Variants in ZNF561 observed in about 807,000 individuals in gnomAD.
ZNF561 encodes zinc finger protein 561.
ZNF561 carries 16 observed loss-of-function variants against 16.7 expected under a neutral mutation model. The observed-to-expected ratio is 0.96, with a 90% CI of 0.65 to 1.45. The LOEUF is 1.45. Among genes scored for constraint, ZNF561 ranks in the 40% most tolerant of loss-of-function variants. ZNF561 has a pLI of 0.00. For synonymous variants in ZNF561, 190 were observed against 192.1 expected (o/e 0.99, Z 0.09); for missense variants, 580 against 578.0 (o/e 1.00, Z -0.04).
rs1323682924 is a variant in ZNF561, at chr19:9,609,447, G to A, written c.*753C>T. 1 of 152,174 alleles carries A rather than the reference G, an allele frequency of 6.6e-6. No homozygotes were observed. Among genetic ancestry groups the A allele is most frequent in the East Asian group, 1.9e-4 (1 of 5,198 alleles). The allele number at this position is 152,174 out of a possible 1,614,324, so 9.4% of individuals were successfully genotyped here. ...AAAGGAACCAGAACTTGGAGATTTG[G>A]AAAATTCTCAGCCTATCCATAATGC... On this transcript the variant is annotated 3_prime_UTR_variant, in exon 6 of 6. Coordinates refer to ENST00000302851, the MANE Select transcript of ZNF561 (RefSeq NM_152289.3).
At chr19:9,612,621 A>G (rs573366804) in intron 5 of ZNF561, among the ~76,000 whole-genome samples, 1 of 152,200 alleles carries the variant, frequency 6.6e-6, no homozygotes, top group Non-Finnish European at 1.5e-5. Flanking sequence ...CTGGGATTAC[A>G]GCCATGAGCT....
rs1337109980 is a variant in ZNF561, at chr19:9,608,441, TG to T, written c.*1758del. ...ATCTCAGACTTCCAGCCTCGAGAAA[TG>T]TGAGAATATAAATTTGTTTTTAACC... On this transcript the variant is annotated 3_prime_UTR_variant, in exon 6 of 6. Transcript: ENST00000302851. The T allele has an allele frequency of 6.6e-6, 1 of 152,076 alleles. No homozygotes were observed. The highest frequency in any genetic ancestry group is 1.5e-5 in the Non-Finnish European group (1 of 68,024). The allele number at this position is 152,076 out of a possible 1,614,324, so 9.4% of individuals were successfully genotyped here.
chr19:9,610,835 T>A lies in ZNF561; in HGVS notation c.826A>T (p.Lys276Ter), dbSNP rs780357234. The A allele has an allele frequency of 1.9e-6, 3 of 1,614,164 alleles. No individual in the cohort carries two copies. The highest frequency in any genetic ancestry group is 2.5e-6 in the Non-Finnish European group (3 of 1,180,026). The change falls in exon 6 of 6, where the codon AAA becomes TAA. Residue 276 changes from lysine (K) to a stop codon, truncating the protein, a stop_gained. Coordinates refer to ENST00000302851, the MANE Select transcript of ZNF561 (RefSeq NM_152289.3). LOFTEE classifies it low-confidence loss of function (END_TRUNC). ...SQLYAPVKTHKGEKSFECKEC... is the reference protein window; with the variant it reads ...SQLYAPVKTH ...TTACATTCAAAGGACTTCTCTCCTT[T>A]ATGAGTTTTCACAGGTGCATAAAGT...
In ZNF561 at chr19:9,619,559, C is replaced by T; in HGVS notation, c.-103G>A. 1 of 1,221,446 alleles carries T rather than the reference C, an allele frequency of 8.2e-7. No homozygotes were observed. The highest frequency in any genetic ancestry group is 1.9e-5 in the Admixed American group (1 of 53,242). 75.7% of individuals were successfully genotyped at this position (1,221,446 alleles called of 1,614,324 possible). On this transcript the variant is annotated 5_prime_UTR_variant, in exon 2 of 6. Coordinates refer to ENST00000302851, the MANE Select transcript of ZNF561 (RefSeq NM_152289.3). ...GTGGATAGAGGCAATCTCCATTCCTCTTTGTACAGGGTTATTTGCGGTCCT... is the reference window on the plus strand; with the variant it reads ...GTGGATAGAGGCAATCTCCATTCCTTTTTGTACAGGGTTATTTGCGGTCCT...
chr19:9,618,545 T>C (rs2144904354), intron 2 of ZNF561, among the ~76,000 whole-genome samples: 1 of 151,718 alleles, frequency 6.6e-6, no homozygotes, highest in East Asian at 2.0e-4. Context: ...GCTAACACGG[T>C]GAAACCCCAT....
chr19:9,614,122 A>T lies in ZNF561; in HGVS notation c.242-19T>A. The T allele has an allele frequency of 6.2e-7, 1 of 1,612,614 alleles. No homozygotes were observed. The stretch of plus-strand genomic sequence containing the variant: ...TCCCATTCTAAAGTTAAGCAGAAAA[A>T]GAAACGTAAGGATTTAGAGAAGAAA... On this transcript the variant is annotated intron_variant, in intron 4 of 5. Transcript: ENST00000302851.
chr19:9,608,849 G>C lies in ZNF561; in HGVS notation c.*1351C>G, dbSNP rs1220958111. 1.3e-5 allele frequency: 2 copies of C among 152,188 alleles called. No homozygotes were observed. Among genetic ancestry groups the C allele is most frequent in the Non-Finnish European group, 2.9e-5 (2 of 68,036 alleles). 9.4% of individuals were successfully genotyped at this position (152,188 alleles called of 1,614,324 possible). Reference sequence around the variant, plus strand: ...CTTAAAGTGTTAAAGGACACAGGAAGCTTCATTCTTCCTGAGTGCTTACAG... The same window carrying C: ...CTTAAAGTGTTAAAGGACACAGGAACCTTCATTCTTCCTGAGTGCTTACAG... On this transcript the variant is annotated 3_prime_UTR_variant, in exon 6 of 6. Coordinates refer to ENST00000302851, the MANE Select transcript of ZNF561 (RefSeq NM_152289.3).
At chr19:9,613,912 G>A in intron 5 of ZNF561, 109 bp downstream of exon 5, 3 of 1,349,494 alleles carry the variant, frequency 2.2e-6, no homozygotes, top group Non-Finnish European at 3.1e-6. Flanking sequence ...CTCCCAAATA[G>A]CTGGGATTAC....
intron 4 of ZNF561, among the ~76,000 whole-genome samples, chr19:9,614,812 TTC>T (rs2074525130): frequency 6.6e-6 from 1 of 151,866 alleles, no homozygotes; most frequent in Non-Finnish European, 1.5e-5. Context: ...AGCTTAAATC[TTC>T]TGAGGCAAAG....
At position 9,618,090 on chromosome 19, in the gene ZNF561, C is replaced by T. The variant is rs750932321; in HGVS notation, c.114+1G>A. The T allele has an allele frequency of 1.3e-6, 2 of 1,550,708 alleles. No individual in the cohort carries two copies. Among genetic ancestry groups the T allele is most frequent in the East Asian group, 2.4e-5 (1 of 40,872 alleles). On this transcript the variant is annotated splice_donor_variant, in intron 3 of 5. Coordinates refer to ENST00000302851, the MANE Select transcript of ZNF561 (RefSeq NM_152289.3). LOFTEE classifies it high-confidence loss of function. ...TTAACAACAGTACGTTTTCTGCTTA[C>T]CTGATAACCACTTGCCAGGTAGTCC... is the stretch of plus-strand genomic sequence containing the variant.
Position 9,610,298 on chromosome 19 carries a change from C to T in ZNF561, c.1363G>A (p.Gly455Arg). Residue 455 changes from glycine (G) to arginine (R), a missense_variant, in exon 6 of 6, where the codon GGG becomes AGG. Gly to Arg is a moderately radical substitution (Grantham distance 125). Transcript: ENST00000302851. ...CGTGAGGAAACAGCAAATGCTTTCC[C>T]ACATTCTTTACATACGAAGGGTTTC... ...GEKPFVCKEC[G>R]KAFAVSSRLS... The T allele has an allele frequency of 6.2e-7, 1 of 1,614,172 alleles. No homozygotes were observed. The highest frequency in any genetic ancestry group is 8.5e-7 in the Non-Finnish European group (1 of 1,180,008).
At chr19:9,617,819 C>T (rs375600683) in intron 3 of ZNF561, 84 of 510,740 alleles carry the variant, frequency 1.6e-4, no homozygotes, top group Non-Finnish European at 2.5e-4. Context: ...CTTTATCATC[C>T]GTCACCGCAC....
At chr19:9,611,875 T>C (rs1376025295) in intron 5 of ZNF561, among the ~76,000 whole-genome samples, 1 of 152,232 alleles carries the variant, frequency 6.6e-6, no homozygotes, top group Non-Finnish European at 1.5e-5. Context: ...GCTTCCTGTG[T>C]AGCTAGAACT....
chr19:9,612,787 GT>G (rs531734353), intron 5 of ZNF561, among the ~76,000 whole-genome samples: 2 of 152,124 alleles, frequency 1.3e-5, no homozygotes, highest in Non-Finnish European at 2.9e-5. Context: ...AAACTGTAGG[GT>G]TTTTTTATTA....
At chr19:9,615,606 T>G (rs565487999) in intron 4 of ZNF561, among the ~76,000 whole-genome samples, 1 of 150,770 alleles carries the variant, frequency 6.6e-6, no homozygotes, top group Non-Finnish European at 1.5e-5. Flanking sequence ...ACAAAAATAA[T>G]AAATAAATAA....
chr19:9,610,136 C>A lies in ZNF561; in HGVS notation c.*64G>T. 7.0e-7 allele frequency: 1 copy of A among 1,422,146 alleles called. No individual in the cohort carries two copies. The highest frequency in any genetic ancestry group is 9.4e-7 in the Non-Finnish European group (1 of 1,059,010). 88.1% of individuals were successfully genotyped at this position (1,422,146 alleles called of 1,614,324 possible). A position where few individuals can be genotyped will look rare whatever the true frequency, so the allele number is the denominator to read the frequency against. On this transcript the variant is annotated 3_prime_UTR_variant, in exon 6 of 6. Coordinates refer to ENST00000302851, the MANE Select transcript of ZNF561 (RefSeq NM_152289.3). ...ATGAGTCATTACAACCTCCAAAAGGCATTTAGGACAAATCTGATAATCTTT... is the reference window on the plus strand; with the variant it reads ...ATGAGTCATTACAACCTCCAAAAGGAATTTAGGACAAATCTGATAATCTTT...
rs2074390790 is a variant in ZNF561 at position 9,608,557 on chromosome 19, A to G, written c.*1643T>C. 1 of 152,224 alleles carries G rather than the reference A, an allele frequency of 6.6e-6. No homozygotes were observed. Among genetic ancestry groups the G allele is most frequent in the South Asian group, 2.1e-4 (1 of 4,834 alleles). 9.4% of individuals were successfully genotyped at this position (152,224 alleles called of 1,614,324 possible). On this transcript the variant is annotated 3_prime_UTR_variant, in exon 6 of 6. Transcript: ENST00000302851. Reference sequence around the variant, plus strand: ...GAGCTCATTAAGGCAGATTAAAAACAAACAAACAAAAAAACTAAAAATGTG... The same window carrying G: ...GAGCTCATTAAGGCAGATTAAAAACGAACAAACAAAAAAACTAAAAATGTG...
At chr19:9,618,243 T>C (rs2074594845) in intron 2 of ZNF561, 64 bp from the exon 3 acceptor site, 4 of 1,414,590 alleles carry the variant, frequency 2.8e-6, no homozygotes, top group Non-Finnish European at 3.9e-6. Flanking sequence ...TTCTCATGCC[T>C]AGAAGTCATT....
intron 5 of ZNF561, among the ~76,000 whole-genome samples, chr19:9,612,646 C>A (rs2074481899): frequency 6.6e-6 from 1 of 151,994 alleles, no homozygotes; most frequent in African/African-American, 2.4e-5. Context: ...TGTCAGCCTA[C>A]TTTGATAATT....
Sources: allele counts gnomAD v4.1 joint callset (sites outside exome capture counted in the v4.1 genomes callset), GRCh38; gene constraint gnomAD v4.1.1; transcripts MANE v1.5; gene names NCBI Gene and HGNC (gene_info 2026-07-23, HGNC 2026-07-21).